Variants in CRLS1 observed in about 807,000 individuals in gnomAD.
CRLS1 encodes cardiolipin synthase 1, also known as cardiolipin synthase (CMP-forming).
CRLS1 carries 24 observed loss-of-function variants against 37.0 expected under a neutral mutation model. The ratio of observed to expected loss-of-function variants is 0.65; its 90% confidence interval spans 0.47 to 0.91. The LOEUF (loss-of-function observed/expected upper bound fraction) is 0.91. CRLS1 is among the 40% of genes least tolerant of loss of function. CRLS1 has a pLI of 0.00. For missense variants in CRLS1, 373 were observed against 395.8 expected (o/e 0.94, Z 0.49); for synonymous variants, 135 against 159.7 (o/e 0.85, Z 1.17).
intron 2 of CRLS1, among the ~76,000 whole-genome samples, chr20:6,014,665 A>G (rs1978602681): frequency 6.6e-6 from 1 of 152,176 alleles, no homozygotes; most frequent in African/African-American, 2.4e-5. Flanking sequence ...GAAGAATTGA[A>G]TACTTACATG....
intron 5 of CRLS1, 30 bp downstream of exon 5, chr20:6,032,110 T>C (rs1372040266): frequency 1.9e-6 from 3 of 1,547,458 alleles, no homozygotes; most frequent in Non-Finnish European, 2.7e-6. Flanking sequence ...TTTGAAGTTA[T>C]TCCTTTGTAA....
intron 6 of CRLS1, among the ~76,000 whole-genome samples, chr20:6,036,721 G>GAGTCCTTCTGGAGGATGA (rs1482314099): frequency 6.6e-6 from 1 of 151,766 alleles, no homozygotes; most frequent in Non-Finnish European, 1.5e-5. Context: ...TCTGGAGGAT[G>GAGTCCTTCTGGAGGATGA]AGTCCTTCTG....
intron 3 of CRLS1, among the ~76,000 whole-genome samples, chr20:6,030,460 T>G (rs1055671303): frequency 6.6e-6 from 1 of 152,164 alleles, no homozygotes; most frequent in Non-Finnish European, 1.5e-5. Context: ...CAATGGCTCA[T>G]GCATGTAATC....
intron 2 of CRLS1, among the ~76,000 whole-genome samples, chr20:6,013,482 G>A (rs908275582): frequency 2.0e-5 from 3 of 152,126 alleles, no homozygotes; most frequent in Non-Finnish European, 4.4e-5. Flanking sequence ...GCATGGGAAC[G>A]GATGAAGGAA....
intron 2 of CRLS1, among the ~76,000 whole-genome samples, chr20:6,015,058 G>C (rs766611023): frequency 3.3e-5 from 5 of 152,036 alleles, no homozygotes; most frequent in African/African-American, 1.2e-4. Context: ...ATCACTAACC[G>C]TATCTCTAAA....
chr20:6,027,082 A>ATTTT (rs11361547), intron 3 of CRLS1, among the ~76,000 whole-genome samples: 2 of 128,472 alleles, frequency 1.6e-5, no homozygotes, highest in Admixed American at 1.5e-4. Context: ...TGGAAATTGA[A>ATTTT]TTTTTTTTTT....
intron 3 of CRLS1, among the ~76,000 whole-genome samples, chr20:6,020,208 G>T (rs1432327193): frequency 6.6e-6 from 1 of 152,092 alleles, no homozygotes; most frequent in Non-Finnish European, 1.5e-5. Context: ...GCTATAAGTG[G>T]ATACCTAACT....
At chr20:6,025,184 T>C (rs558851746) in intron 3 of CRLS1, among the ~76,000 whole-genome samples, 3 of 152,336 alleles carry the variant, frequency 2.0e-5, no homozygotes, top group Admixed American at 6.5e-5. Flanking sequence ...GGTCAGTGCA[T>C]GGGCTTGAAA....
intron 2 of CRLS1, among the ~76,000 whole-genome samples, chr20:6,014,618 C>A (rs769241407): frequency 6.6e-6 from 1 of 152,026 alleles, no homozygotes; most frequent in Non-Finnish European, 1.5e-5. Context: ...CAGACCGCTC[C>A]CTTCTCAAGT....
intron 3 of CRLS1, among the ~76,000 whole-genome samples, chr20:6,029,514 C>T (rs989652456): frequency 1.1e-4 from 17 of 152,156 alleles, no homozygotes; most frequent in African/African-American, 4.1e-4. Flanking sequence ...GGCATGCCAC[C>T]ACACCTGGCT....
chr20:6,032,153 A>G, intron 5 of CRLS1, 73 bp downstream of exon 5: 1 of 1,179,270 alleles, frequency 8.5e-7, no homozygotes, highest in South Asian at 1.3e-5. Flanking sequence ...ACCTTAGTCA[A>G]GAACAGCTGA....
At chr20:6,017,955 C>T (rs1206681503) in intron 3 of CRLS1, among the ~76,000 whole-genome samples, 3 of 152,054 alleles carry the variant, frequency 2.0e-5, no homozygotes, top group Admixed American at 6.6e-5. Context: ...CAATGGCTTG[C>T]CCCTGTAATC....
chr20:6,024,065 G>C (rs1423782178), intron 3 of CRLS1, among the ~76,000 whole-genome samples: 2 of 151,690 alleles, frequency 1.3e-5, no homozygotes, highest in Admixed American at 1.3e-4. Flanking sequence ...GGATCCTCTT[G>C]CCTGCGCTTC....
chr20:6,038,027 A>G lies in CRLS1; in HGVS notation c.*869A>G, dbSNP rs1366245826. On this transcript the variant is annotated 3_prime_UTR_variant, in exon 7 of 7. Coordinates refer to ENST00000378863, the MANE Select transcript of CRLS1 (RefSeq NM_019095.6). ...CTTTTGTTAAGCAGTTAAAGGAATA[A>G]AAGAGCTGGAAAAAAAATTGTACCT... The G allele has an allele frequency of 6.6e-6, 1 of 152,206 alleles. No homozygotes were observed. Among genetic ancestry groups the G allele is most frequent in the African/African-American group, 2.4e-5 (1 of 41,450 alleles). 9.4% of individuals were successfully genotyped at this position (152,206 alleles called of 1,614,324 possible).
intron 2 of CRLS1, among the ~76,000 whole-genome samples, chr20:6,014,770 T>A (rs1489911334): frequency 6.6e-6 from 1 of 152,210 alleles, no homozygotes; most frequent in Non-Finnish European, 1.5e-5. Context: ...ATGTGACTTA[T>A]GCTTTAAATG....
At chr20:6,019,552 G>A (rs189668952) in intron 3 of CRLS1, among the ~76,000 whole-genome samples, 1 of 128,496 alleles carries the variant, frequency 7.8e-6, no homozygotes, top group Non-Finnish European at 1.7e-5. Context: ...CCAGAGGTTT[G>A]TCAGTTTTAT....
chr20:6,015,459 T>C lies in CRLS1; in HGVS notation c.543T>C (p.Tyr181=). 6.2e-7 allele frequency: 1 copy of C among 1,612,948 alleles called. No individual in the cohort carries two copies. The highest frequency in any genetic ancestry group is 1.1e-5 in the South Asian group (1 of 91,036). The change falls in exon 3 of 7, where the codon TAT becomes TAC. Residue 181 remains tyrosine, a synonymous_variant. Transcript: ENST00000378863. The part of the protein sequence containing the change: ...LADKILISIL[Y]VSLTYADLIP... ...ATAAAATACTTATCAGTATCTTATA[T>C]GTTAGCTTGACCTATGCAGATCTTA...
intron 2 of CRLS1, among the ~76,000 whole-genome samples, chr20:6,012,240 C>T (rs933096234): frequency 3.3e-5 from 5 of 152,180 alleles, no homozygotes; most frequent in East Asian, 1.9e-4. Context: ...AGCCAGGGAA[C>T]GACAAAGTCT....
intron 2 of CRLS1, among the ~76,000 whole-genome samples, chr20:6,012,830 G>C (rs1356794889): frequency 6.6e-6 from 1 of 152,176 alleles, no homozygotes; most frequent in African/African-American, 2.4e-5. Flanking sequence ...CAGAAAAGAA[G>C]CCAGTCAGGA....
Sources: allele counts gnomAD v4.1 joint callset (sites outside exome capture counted in the v4.1 genomes callset), GRCh38; gene constraint gnomAD v4.1.1; transcripts MANE v1.5; gene names NCBI Gene and HGNC (gene_info 2026-07-23, HGNC 2026-07-21).